Variants in APOBEC1 observed in about 807,000 individuals in gnomAD.
APOBEC1 encodes the protein C->U-editing enzyme APOBEC-1.
A neutral mutation model predicts 26.3 loss-of-function variants in APOBEC1; 22 were observed. The observed-to-expected ratio is 0.84, with a 90% CI of 0.60 to 1.19. APOBEC1 has a LOEUF of 1.19. Among genes scored for constraint, APOBEC1 ranks in the 50% most tolerant of loss-of-function variants. The pLI is 0.00. For missense variants in APOBEC1, 253 were observed against 289.0 expected (o/e 0.88, Z 0.90); for synonymous variants, 77 against 95.3 (o/e 0.81, Z 1.12).
chr12:7,660,645 G>A (rs1863803865), intron 1 of APOBEC1, among the ~76,000 whole-genome samples: 1 of 147,542 alleles, frequency 6.8e-6, no homozygotes, highest in South Asian at 2.1e-4. Flanking sequence ...GGAGCTTGCA[G>A]TGAGCCAAGA....
At chr12:7,667,673 G>A (rs1033251453), upstream of APOBEC1, among the ~76,000 whole-genome samples, 1 of 152,152 alleles carries the variant, frequency 6.6e-6, no homozygotes, top group Admixed American at 6.6e-5. Context: ...CCAGCACTAT[G>A]AGAGGCAGAG....
chr12:7,664,047 G>A (rs1322049076), intron 1 of APOBEC1, among the ~76,000 whole-genome samples: 2 of 151,936 alleles, frequency 1.3e-5, no homozygotes, highest in African/African-American at 4.8e-5. Context: ...TAGAGACGTT[G>A]TTTCTCCATG....
At chr12:7,660,483 G>C (rs943749752) in intron 1 of APOBEC1, among the ~76,000 whole-genome samples, 1 of 151,600 alleles carries the variant, frequency 6.6e-6, no homozygotes, top group African/African-American at 2.4e-5. Flanking sequence ...TAGGTGGGTG[G>C]ATCACCTGAG....
At position 7,665,678 on chromosome 12, in the gene APOBEC1, C is replaced by A. The variant is rs150788802; in HGVS notation, c.16+179G>T. Among the ~76,000 whole-genome samples, 679 of 149,210 alleles carry A rather than the reference C, an allele frequency of 4.6e-3. 5 individuals are homozygous for A. The highest frequency in any genetic ancestry group is 0.016 in the African/African-American group (638 of 40,696). On this transcript the variant is annotated intron_variant, in intron 1 of 4. Coordinates refer to ENST00000229304, the MANE Select transcript of APOBEC1 (RefSeq NM_001644.5). ...ATGTAAATATTTACTAATAATAAAC[C>A]ATCTTATTTAAGACTAATATATTAA...
Position 7,649,674 on chromosome 12 carries a change from A to G in APOBEC1, c.584T>C (p.Ile195Thr). Residue 195 changes from isoleucine (I) to threonine (T), a missense_variant, in exon 5 of 5, where the codon ATT (isoleucine) becomes ACT (threonine). Ile to Thr is a moderately conservative substitution (Grantham distance 89). Coordinates refer to ENST00000229304, the MANE Select transcript of APOBEC1 (RefSeq NM_001644.5). ...AAGATGATTTTGCCATCTTCTTGAA[A>G]TCTTTAAACAGGGTGGAAGACTCTG... Reference protein sequence around the residue: ...IILSLPPCLKISRRWQNHLTF... With the variant: ...IILSLPPCLKTSRRWQNHLTF... The G allele has an allele frequency of 6.2e-7, 1 of 1,613,198 alleles. No homozygotes were observed. Among genetic ancestry groups the G allele is most frequent in the Non-Finnish European group, 8.5e-7 (1 of 1,179,130 alleles).
Position 7,652,662 on chromosome 12 carries a change from TC to T in APOBEC1, c.217del (p.Glu73LysfsTer8). The stretch of plus-strand genomic sequence containing the variant: ...GCTCATGGATGGGTGAAAATCTCTT[TC>T]TGACGTAAATTTTTTTATAAAATTA... ...EVNFIKKFTS[E>X]RDFHPSMSCS... On this transcript the variant is annotated frameshift_variant, in exon 3 of 5. Transcript: ENST00000229304. LOFTEE classifies it high-confidence loss of function. 1 of 1,614,136 alleles carries T rather than the reference TC, an allele frequency of 6.2e-7. No homozygotes were observed. Among genetic ancestry groups the T allele is most frequent in the Non-Finnish European group, 8.5e-7 (1 of 1,179,998 alleles).
At chr12:7,668,110 T>C (rs1010043359), upstream of APOBEC1, among the ~76,000 whole-genome samples, 2 of 151,744 alleles carry the variant, frequency 1.3e-5, no homozygotes, top group African/African-American at 4.8e-5. Flanking sequence ...AAGAGGGAGG[T>C]AGAAGAGTCA....
At chr12:7,651,267 C>T (rs1863634120) in intron 3 of APOBEC1, 126 bp from the exon 4 acceptor site, 1 of 673,234 alleles carries the variant, frequency 1.5e-6, no homozygotes, top group South Asian at 1.8e-5. Context: ...GACATTAGAC[C>T]CCCTAAAAAG....
intron 3 of APOBEC1, among the ~76,000 whole-genome samples, chr12:7,651,611 CAAA>C (rs370874683): frequency 0.24 from 26,673 of 111,128 alleles, 3,092 homozygotes; most frequent in South Asian, 0.41. Context: ...GACTCCGTCT[CAAA>C]AAAAAAAAAA....
chr12:7,655,051 A>G (rs1472673902), intron 1 of APOBEC1, among the ~76,000 whole-genome samples: 6 of 152,078 alleles, frequency 3.9e-5, no homozygotes. Context: ...TCTACCAAAA[A>G]TACAAAAATT....
rs1863820198 is a variant in APOBEC1 at position 7,661,514 on chromosome 12, TAG to T, written c.16+4341_16+4342del. Among the ~76,000 whole-genome samples, 3 of 151,640 alleles carry T rather than the reference TAG, an allele frequency of 2.0e-5. No homozygotes were observed. In the South Asian group the frequency reaches 6.2e-4, roughly 32 times the overall value. Reference sequence around the variant, plus strand: ...ATAGATAGATAGATAGATAGATAGATAGATAGATAGATATCTCTTTATAATTG... The same window carrying T: ...ATAGATAGATAGATAGATAGATAGATATAGATAGATATCTCTTTATAATTG... On this transcript the variant is annotated intron_variant, in intron 1 of 4. Transcript: ENST00000229304.
At chr12:7,660,635 G>A (rs756698137) in intron 1 of APOBEC1, among the ~76,000 whole-genome samples, 2 of 146,686 alleles carry the variant, frequency 1.4e-5, no homozygotes, top group South Asian at 2.2e-4. Context: ...CCCGGGAGGC[G>A]GAGCTTGCAG....
rs1392196974 is a variant in APOBEC1, at chr12:7,657,418, A to C, written c.17-2786T>G. On this transcript the variant is annotated intron_variant, in intron 1 of 4. Transcript: ENST00000229304. ...TTCTGACGTTTTATTTTTCATATAGAGGGCTAGCCATATACTGTGAAGTAT... is the reference window on the plus strand; with the variant it reads ...TTCTGACGTTTTATTTTTCATATAGCGGGCTAGCCATATACTGTGAAGTAT... Among the ~76,000 whole-genome samples, 2 of 152,144 alleles carry C rather than the reference A, an allele frequency of 1.3e-5. 1 individual carries two copies.
chr12:7,657,535 A>G (rs2136845916), intron 1 of APOBEC1, among the ~76,000 whole-genome samples: 1 of 151,738 alleles, frequency 6.6e-6, no homozygotes, highest in Non-Finnish European at 1.5e-5. Context: ...AGAGCTACTA[A>G]ATTCCTTAAA....
chr12:7,651,343 C>T (rs1592056320), intron 3 of APOBEC1, among the ~76,000 whole-genome samples: 3 of 152,026 alleles, frequency 2.0e-5, no homozygotes, highest in South Asian at 4.1e-4. Flanking sequence ...TGGCTGGGTG[C>T]GGTGGCTCAC....
chr12:7,669,094 CTCTT>C (rs1863925471), upstream of APOBEC1, among the ~76,000 whole-genome samples: 1 of 152,124 alleles, frequency 6.6e-6, no homozygotes, highest in African/African-American at 2.4e-5. Flanking sequence ...GCAAATACTG[CTCTT>C]TCTGTCTCTA....
At chr12:7,658,224 C>T (rs988439981) in intron 1 of APOBEC1, among the ~76,000 whole-genome samples, 19 of 152,200 alleles carry the variant, frequency 1.2e-4, no homozygotes, top group East Asian at 1.9e-4. Context: ...TCACCACACC[C>T]GGCTAACTTT....
intron 2 of APOBEC1, among the ~76,000 whole-genome samples, chr12:7,653,872 C>T (rs1863679806): frequency 6.6e-6 from 1 of 152,196 alleles, no homozygotes; most frequent in Admixed American, 6.5e-5. Flanking sequence ...AGATTTAACA[C>T]TCTCTATGTC....
chr12:7,651,856 T>A (rs1423410420), intron 3 of APOBEC1, among the ~76,000 whole-genome samples: 1 of 151,870 alleles, frequency 6.6e-6, no homozygotes, highest in Non-Finnish European at 1.5e-5. Flanking sequence ...AGTCTCGCTC[T>A]GTCGCCCAGG....
Sources: gnomAD v4.1 joint callset for allele counts (sites outside exome capture counted in the v4.1 genomes callset) on GRCh38, gnomAD v4.1.1 for gene constraint, MANE v1.5 for transcripts, NCBI Gene and HGNC (gene_info 2026-07-23, HGNC 2026-07-21) for gene names.